Variants in SMURF1 observed in about 807,000 individuals in gnomAD.
The protein encoded by SMURF1 is SMAD specific E3 ubiquitin protein ligase 1, also known as E3 ubiquitin-protein ligase SMURF1.
Under a neutral mutation model 98.0 loss-of-function variants are expected in SMURF1, and 44 were observed. The observed-to-expected ratio is 0.45, with a 90% confidence interval of 0.35 to 0.58. The LOEUF is 0.58. Among genes scored for constraint, SMURF1 ranks in the 20% least tolerant of loss-of-function variants. The probability of loss-of-function intolerance (pLI) is 0.00; values close to 1 mark genes in which losing one functional copy is unlikely to be tolerated. For missense variants in SMURF1, 687 were observed against 938.4 expected (o/e 0.73, Z 3.50); for synonymous variants, 396 against 374.9 (o/e 1.06, Z -0.65).
chr7:99,048,020 C>T, intron 9 of SMURF1, 138 bp from the exon 10 acceptor site: 1 of 763,768 alleles, frequency 1.3e-6, no homozygotes, highest in Non-Finnish European at 2.2e-6. Context: ...GATGACGTAA[C>T]CAGGTACCTA....
chr7:99,143,948 C>A lies in SMURF1; in HGVS notation c.-168G>T. 2.1e-6 allele frequency: 1 copy of A among 480,146 alleles called. No individual in the cohort carries two copies. Among genetic ancestry groups the A allele is most frequent in the South Asian group, 4.1e-5 (1 of 24,136 alleles). The allele number at this position is 480,146 out of a possible 1,614,324, so 29.7% of individuals were successfully genotyped here. ...GGCGTCCGGGCGGCAGGCGGATGGT[C>A]GAGCCGGGAGATCGGCGCTTGCTGC... On this transcript the variant is annotated 5_prime_UTR_variant, in exon 1 of 18. Transcript: ENST00000361368.
intron 1 of SMURF1, among the ~76,000 whole-genome samples, chr7:99,085,426 G>A (rs575005099): frequency 9.9e-5 from 15 of 151,678 alleles, no homozygotes; most frequent in East Asian, 7.7e-4. Flanking sequence ...CTCAGAAGCC[G>A]TCATGCTTCC....
chr7:99,087,835 T>C (rs1006152818), intron 1 of SMURF1, among the ~76,000 whole-genome samples: 1 of 152,178 alleles, frequency 6.6e-6, no homozygotes, highest in African/African-American at 2.4e-5. Flanking sequence ...ATCTCTTTTC[T>C]CTAATTCCTT....
In SMURF1 at chr7:99,052,515, T is replaced by C. The variant is rs533107108; in HGVS notation, c.480-69A>G. The C allele has an allele frequency of 3.5e-5, 51 of 1,441,338 alleles. No homozygotes were observed. In the African/African-American group the frequency reaches 7.2e-4, roughly 20 times the overall value. The allele number at this position is 1,441,338 out of a possible 1,614,324, so 89.3% of individuals were successfully genotyped here. ...AGTCACAAGACCAGCGCCTTAGGGC[T>C]AGTGTCCTAGGGGACACCGTCACAT... On this transcript the variant is annotated intron_variant, in intron 6 of 17. Coordinates refer to ENST00000361368, the MANE Select transcript of SMURF1 (RefSeq NM_181349.3).
intron 9 of SMURF1, 151 bp from the exon 10 acceptor site, chr7:99,048,033 T>C (rs1795638976): frequency 1.4e-6 from 1 of 699,288 alleles, no homozygotes; most frequent in Non-Finnish European, 2.4e-6. Flanking sequence ...GGTACCTAGC[T>C]AGCTGTGTCA....
At chr7:99,082,234 TTC>T (rs1302789192) in intron 1 of SMURF1, among the ~76,000 whole-genome samples, 1 of 152,230 alleles carries the variant, frequency 6.6e-6, no homozygotes, top group African/African-American at 2.4e-5. Context: ...GCTGTGAGTT[TTC>T]TTTTTCTTCA....
At chr7:99,074,091 C>T (rs182810054) in intron 1 of SMURF1, among the ~76,000 whole-genome samples, 3 of 152,244 alleles carry the variant, frequency 2.0e-5, no homozygotes, top group East Asian at 3.9e-4. Context: ...ATGAAAGCCA[C>T]AAGACAATAC....
At chr7:99,074,234 G>GAACT (rs1796401141) in intron 1 of SMURF1, among the ~76,000 whole-genome samples, 1 of 152,196 alleles carries the variant, frequency 6.6e-6, no homozygotes, top group Non-Finnish European at 1.5e-5. Context: ...GGTGACTGGG[G>GAACT]AACTGGCCAT....
intron 9 of SMURF1, 107 bp downstream of exon 9, chr7:99,049,456 T>G (rs1250598267): frequency 3.4e-6 from 4 of 1,159,512 alleles, no homozygotes; most frequent in Non-Finnish European, 3.7e-6. Context: ...TGACCATGCT[T>G]ATTATCCAAC....
At chr7:99,040,766 G>T (rs576676330) in intron 12 of SMURF1, among the ~76,000 whole-genome samples, 2 of 152,210 alleles carry the variant, frequency 1.3e-5, no homozygotes, top group Non-Finnish European at 2.9e-5. Context: ...CGTTTTGTAT[G>T]CTCTCAGGGC....
At chr7:99,139,748 T>C (rs984839506) in intron 1 of SMURF1, among the ~76,000 whole-genome samples, 9 of 152,214 alleles carry the variant, frequency 5.9e-5, no homozygotes, top group African/African-American at 2.2e-4. Context: ...ATTTAAAAAC[T>C]ATTTTCCTAC....
chr7:99,069,373 T>C (rs1338213370), intron 1 of SMURF1, among the ~76,000 whole-genome samples: 1 of 152,190 alleles, frequency 6.6e-6, no homozygotes, highest in African/African-American at 2.4e-5. Flanking sequence ...TTCATTCATT[T>C]TCTGGGCCAG....
chr7:99,069,093 C>A (rs1796265216), intron 1 of SMURF1, among the ~76,000 whole-genome samples: 1 of 152,046 alleles, frequency 6.6e-6, no homozygotes, highest in Non-Finnish European at 1.5e-5. Context: ...TTAAAATGTT[C>A]TTTCTTTAAT....
At chr7:99,044,119 C>CG (rs1795490101) in intron 11 of SMURF1, among the ~76,000 whole-genome samples, 1 of 152,184 alleles carries the variant, frequency 6.6e-6, no homozygotes, top group Admixed American at 6.5e-5. Flanking sequence ...CAACACCCAC[C>CG]TGGCCACCAT....
At chr7:99,081,384 ATC>A (rs1796574950) in intron 1 of SMURF1, 2 of 152,176 alleles carry the variant, frequency 1.3e-5, no homozygotes, top group Non-Finnish European at 2.9e-5. Context: ...GGTGACACAC[ATC>A]TGTTAGTTTC....
At chr7:99,063,960 G>A (rs746394523) in intron 1 of SMURF1, among the ~76,000 whole-genome samples, 4 of 151,972 alleles carry the variant, frequency 2.6e-5, no homozygotes, top group African/African-American at 7.3e-5. Context: ...CGAGGCGGAC[G>A]GATTACTTGA....
chr7:99,102,830 TG>T (rs1797116402), intron 1 of SMURF1, among the ~76,000 whole-genome samples: 1 of 152,180 alleles, frequency 6.6e-6, no homozygotes, highest in South Asian at 2.1e-4. Flanking sequence ...TTGGTTTTTT[TG>T]TTTTTTTGTT....
At chr7:99,089,351 C>CTTTT (rs1268405944) in intron 1 of SMURF1, among the ~76,000 whole-genome samples, 6 of 151,354 alleles carry the variant, frequency 4.0e-5, no homozygotes, top group South Asian at 4.2e-4. Context: ...ATTTTAAAAA[C>CTTTT]TGTATTTTAA....
intron 1 of SMURF1, among the ~76,000 whole-genome samples, chr7:99,106,394 G>T (rs1025310276): frequency 2.6e-5 from 4 of 152,170 alleles, no homozygotes; most frequent in Admixed American, 6.5e-5. Context: ...TGTGGTTTGT[G>T]AAATTTCAGC....
Sources: gnomAD v4.1 joint callset for allele counts (sites outside exome capture counted in the v4.1 genomes callset) on GRCh38, gnomAD v4.1.1 for gene constraint, MANE v1.5 for transcripts, NCBI Gene and HGNC (gene_info 2026-07-23, HGNC 2026-07-21) for gene names.